Variants in CTDSPL2 observed in about 807,000 individuals in gnomAD.
CTDSPL2 encodes the protein CTD small phosphatase-like protein 2.
Under a neutral mutation model 60.0 loss-of-function variants are expected in CTDSPL2, and 5 were observed. The observed-to-expected ratio is 0.08, with a 90% confidence interval of 0.04 to 0.18. CTDSPL2 has a LOEUF of 0.18. Among genes scored for constraint, CTDSPL2 ranks in the 10% least tolerant of loss-of-function variants. The probability of loss-of-function intolerance (pLI) is 1.00; values close to 1 mark genes in which losing one functional copy is unlikely to be tolerated. For synonymous variants in CTDSPL2, 186 were observed against 189.3 expected, an observed-to-expected ratio of 0.98 and a Z score of 0.14; for missense variants, 370 against 548.8, an observed-to-expected ratio of 0.67 and a Z score of 3.26.
At chr15:44,471,409 A>T (rs1045998307) in intron 2 of CTDSPL2, among the ~76,000 whole-genome samples, 5 of 152,122 alleles carry the variant, frequency 3.3e-5, no homozygotes, top group African/African-American at 1.2e-4. Context: ...GAAGTGTAGA[A>T]GCTTTTATTT....
At chr15:44,522,294 A>T (rs747889932) in intron 12 of CTDSPL2, among the ~76,000 whole-genome samples, 6 of 152,150 alleles carry the variant, frequency 3.9e-5, no homozygotes, top group Non-Finnish European at 7.3e-5. Flanking sequence ...TCAGCCTCCC[A>T]TAATGCTGGG....
At chr15:44,502,115 AAAGTACTGCATATACTC>A in intron 8 of CTDSPL2, 1 of 344,052 alleles carries the variant, frequency 2.9e-6, no homozygotes, top group South Asian at 2.4e-5. Context: ...AGAAATCTGT[AAAGTACTGCATATACTC>A]TTATTTTTTA....
At chr15:44,481,865 G>A (rs1272317020) in intron 2 of CTDSPL2, among the ~76,000 whole-genome samples, 2 of 152,130 alleles carry the variant, frequency 1.3e-5, no homozygotes, top group African/African-American at 2.4e-5. Context: ...CAGCCACAGC[G>A]CCCGGCCTAT....
At position 44,526,224 on chromosome 15, in the gene CTDSPL2, C is replaced by CT. The variant is rs1007606029; in HGVS notation, c.*2051dup. The CT allele has an allele frequency of 7.2e-5, 11 of 152,056 alleles. No individual in the cohort carries two copies. Among genetic ancestry groups the CT allele is most frequent in the Admixed American group, 2.6e-4 (4 of 15,254 alleles). The allele number at this position is 152,056 out of a possible 1,614,324, so 9.4% of individuals were successfully genotyped here. Reference sequence around the variant, plus strand: ...ATTGTGAACCTAGTTACATTTCTCCCTGCTCCCTTCCTTTTTATGCTCAAA... The same window carrying CT: ...ATTGTGAACCTAGTTACATTTCTCCCTTGCTCCCTTCCTTTTTATGCTCAAA... On this transcript the variant is annotated 3_prime_UTR_variant, in exon 13 of 13. Coordinates refer to ENST00000260327, the MANE Select transcript of CTDSPL2 (RefSeq NM_016396.3).
At chr15:44,497,212 T>C in intron 7 of CTDSPL2, 74 bp downstream of exon 7, 1 of 848,358 alleles carries the variant, frequency 1.2e-6, no homozygotes, top group Non-Finnish European at 1.8e-6. Flanking sequence ...TTATGTTAGC[T>C]TTCCCTTTTT....
At position 44,526,798 on chromosome 15, in the gene CTDSPL2, C is replaced by G. The variant is rs1372665188; in HGVS notation, c.*2624C>G. On this transcript the variant is annotated 3_prime_UTR_variant, in exon 13 of 13. Transcript: ENST00000260327. ...AAATGTGCCCAGCCCCTTCAGCTCA[C>G]ACAGGAAACATGAACTCTTAAAAAA... 1.3e-5 allele frequency: 2 copies of G among 152,282 alleles called. No individual in the cohort carries two copies. The highest frequency in any genetic ancestry group is 2.9e-5 in the Non-Finnish European group (2 of 67,974). 9.4% of individuals were successfully genotyped at this position (152,282 alleles called of 1,614,324 possible).
chr15:44,478,236 T>G (rs2080957657), intron 2 of CTDSPL2, among the ~76,000 whole-genome samples: 1 of 151,876 alleles, frequency 6.6e-6, no homozygotes, highest in African/African-American at 2.4e-5. Context: ...TCACCTGAGG[T>G]CAGGAGCTTG....
chr15:44,514,476 T>G, intron 8 of CTDSPL2, 122 bp from the exon 9 acceptor site: 1 of 667,628 alleles, frequency 1.5e-6, no homozygotes, highest in Non-Finnish European at 2.7e-6. Context: ...TTAGTTAATA[T>G]TTCTATACTT....
chr15:44,494,932 G>C (rs1451912033), intron 5 of CTDSPL2, among the ~76,000 whole-genome samples: 1 of 151,772 alleles, frequency 6.6e-6, no homozygotes, highest in African/African-American at 2.4e-5. Context: ...AACAAACAAA[G>C]AAAAAAACAG....
chr15:44,488,761 G>T (rs993578348), intron 4 of CTDSPL2, among the ~76,000 whole-genome samples: 2 of 152,178 alleles, frequency 1.3e-5, no homozygotes, highest in African/African-American at 4.8e-5. Flanking sequence ...CGAGGTTGCA[G>T]TGAGCTGAGA....
At chr15:44,456,999 C>T (rs1257155164) in intron 1 of CTDSPL2, among the ~76,000 whole-genome samples, 1 of 151,904 alleles carries the variant, frequency 6.6e-6, no homozygotes, top group Non-Finnish European at 1.5e-5. Flanking sequence ...ACTTCAGCCT[C>T]CCAGGTAGCT....
intron 1 of CTDSPL2, among the ~76,000 whole-genome samples, chr15:44,450,241 T>A (rs1395435815): frequency 1.3e-5 from 2 of 152,132 alleles, no homozygotes; most frequent in Non-Finnish European, 2.9e-5. Flanking sequence ...TTTTTTAACT[T>A]AAAATTAGGA....
chr15:44,472,202 G>A (rs1355292190), intron 2 of CTDSPL2, among the ~76,000 whole-genome samples: 1 of 152,258 alleles, frequency 6.6e-6, no homozygotes, highest in African/African-American at 2.4e-5. Context: ...GTTGTCTTGG[G>A]TAAGAGCTTG....
intron 1 of CTDSPL2, among the ~76,000 whole-genome samples, chr15:44,450,313 T>C (rs1388657807): frequency 6.6e-6 from 1 of 152,120 alleles, no homozygotes; most frequent in Admixed American, 6.6e-5. Context: ...ACACTCCTTA[T>C]ACACTGCTAG....
chr15:44,493,083 CCTT>C (rs1156272924), intron 5 of CTDSPL2, among the ~76,000 whole-genome samples: 1 of 151,840 alleles, frequency 6.6e-6, no homozygotes, highest in African/African-American at 2.4e-5. Context: ...TTTATGAGCA[CCTT>C]TTTTTTTTGT....
chr15:44,505,812 T>C (rs1328172944), intron 8 of CTDSPL2, among the ~76,000 whole-genome samples: 1 of 151,500 alleles, frequency 6.6e-6, no homozygotes, highest in African/African-American at 2.4e-5. Context: ...ATTTAGAAGG[T>C]GTGACAGTTG....
At chr15:44,452,230 T>C (rs570269276) in intron 1 of CTDSPL2, among the ~76,000 whole-genome samples, 19 of 152,254 alleles carry the variant, frequency 1.2e-4, no homozygotes, top group African/African-American at 4.6e-4. Context: ...CAAGGCAAAA[T>C]CTGTTTTGCT....
chr15:44,445,043 A>G (rs11631938), intron 1 of CTDSPL2, among the ~76,000 whole-genome samples: 4 of 150,616 alleles, frequency 2.7e-5, no homozygotes, highest in African/African-American at 7.3e-5. Flanking sequence ...ACAGGGTTTC[A>G]CCGTGTTAGC....
At chr15:44,494,992 A>G (rs947662200) in intron 5 of CTDSPL2, among the ~76,000 whole-genome samples, 7 of 152,064 alleles carry the variant, frequency 4.6e-5, no homozygotes, top group Admixed American at 6.5e-5. Context: ...TCTTTTTGAG[A>G]TGGAGTTTTG....
Sources: allele counts gnomAD v4.1 joint callset (sites outside exome capture counted in the v4.1 genomes callset), GRCh38; gene constraint gnomAD v4.1.1; transcripts MANE v1.5; gene names NCBI Gene and HGNC (gene_info 2026-07-23, HGNC 2026-07-21).